GALNT3: variants seen among roughly 807,000 people sequenced by gnomAD.
The protein encoded by GALNT3 is GalNAc transferase 3.
GALNT3 carries 51 observed loss-of-function variants against 69.8 expected under a neutral mutation model. The observed-to-expected ratio is 0.73, with a 90% CI of 0.58 to 0.92. The LOEUF is 0.92. GALNT3 is among the 40% of genes least tolerant of loss of function. The pLI is 0.00. For synonymous variants in GALNT3, 265 were observed against 248.5 expected (o/e 1.07, Z -0.63); for missense variants, 711 against 760.0 (o/e 0.94, Z 0.76).
rs1267541532 is a variant in GALNT3 at position 165,770,728 on chromosome 2, A to C, written c.-28T>G. 1 of 1,596,700 alleles carries C rather than the reference A, an allele frequency of 6.3e-7. No homozygotes were observed. Among genetic ancestry groups the C allele is most frequent in the African/African-American group, 1.3e-5 (1 of 74,744 alleles). On this transcript the variant is annotated 5_prime_UTR_variant, in exon 2 of 11. Transcript: ENST00000392701. ...TGACATTAAAAGCTTGTCACTTGAC[A>C]AATAACAGTTATTTCTTCTTCTGTT...
At chr2:165,779,544 C>T (rs577354879) in intron 1 of GALNT3, among the ~76,000 whole-genome samples, 3 of 152,308 alleles carry the variant, frequency 2.0e-5, no homozygotes. Flanking sequence ...CTATTGTAGT[C>T]ATTGCTGTGA....
At chr2:165,749,604 A>T (rs1688319820) in intron 10 of GALNT3, 138 bp downstream of exon 10, 1 of 823,022 alleles carries the variant, frequency 1.2e-6, no homozygotes. Context: ...ATGGGTAGAA[A>T]CACATAATAA....
chr2:165,753,632 G>A (rs1285902084), intron 9 of GALNT3, among the ~76,000 whole-genome samples: 5 of 152,032 alleles, frequency 3.3e-5, no homozygotes, highest in Non-Finnish European at 7.4e-5. Flanking sequence ...ACAAATGAGG[G>A]AAATAGTCTA....
chr2:165,764,798 A>G, intron 3 of GALNT3, 86 bp downstream of exon 3: 1 of 1,337,066 alleles, frequency 7.5e-7, no homozygotes, highest in Admixed American at 1.7e-5. Flanking sequence ...CTGAGATGGC[A>G]TACAGAGAGT....
At chr2:165,756,971 G>T (rs540207437) in intron 7 of GALNT3, 76 bp downstream of exon 7, 2 of 1,120,286 alleles carry the variant, frequency 1.8e-6, no homozygotes, top group South Asian at 2.6e-5. Flanking sequence ...TTTTGTACTT[G>T]AGATGAATCG....
At chr2:165,792,692 A>G (rs1322381836) in intron 1 of GALNT3, among the ~76,000 whole-genome samples, 2 of 152,182 alleles carry the variant, frequency 1.3e-5, no homozygotes, top group African/African-American at 2.4e-5. Flanking sequence ...CTACGTAAAA[A>G]TGTTGGTTAA....
intron 1 of GALNT3, among the ~76,000 whole-genome samples, chr2:165,792,929 A>G (rs1361610442): frequency 6.6e-6 from 1 of 152,128 alleles, no homozygotes; most frequent in Non-Finnish European, 1.5e-5. Context: ...TCACTTTAAT[A>G]TTTTTTAGCT....
At chr2:165,770,881 C>A in intron 1 of GALNT3, 73 bp from the exon 2 acceptor site, 1 of 578,428 alleles carries the variant, frequency 1.7e-6, no homozygotes, top group Admixed American at 3.5e-5. Context: ...ATTCATTTAA[C>A]CAACAACTGA....
intron 1 of GALNT3, among the ~76,000 whole-genome samples, chr2:165,789,239 C>T (rs868017978): frequency 2.6e-5 from 4 of 152,180 alleles, no homozygotes; most frequent in Non-Finnish European, 4.4e-5. Context: ...CAATGTCTGG[C>T]GAGGGCACAT....
intron 7 of GALNT3, 30 bp from the exon 8 acceptor site, chr2:165,755,093 C>A (rs768572593): frequency 1.3e-6 from 2 of 1,590,546 alleles, no homozygotes; most frequent in East Asian, 4.5e-5. Flanking sequence ...GAAGGGAATG[C>A]TTAATTAAAA....
At chr2:165,762,118 G>A (rs1423719175) in intron 3 of GALNT3, 64 bp from the exon 4 acceptor site, 1 of 1,172,414 alleles carries the variant, frequency 8.5e-7, no homozygotes, top group Non-Finnish European at 1.3e-6. Flanking sequence ...GCTTATGAAA[G>A]CTAATGAAAC....
rs898845124 is a variant in GALNT3, at chr2:165,794,000, C to T, written c.-109+15G>A. The T allele has an allele frequency of 6.6e-6, 1 of 152,412 alleles. No individual in the cohort carries two copies. The highest frequency in any genetic ancestry group is 2.4e-5 in the African/African-American group (1 of 41,476). 9.4% of individuals were successfully genotyped at this position (152,412 alleles called of 1,614,324 possible). Reference sequence around the variant, plus strand: ...CCAGGGGTACCGCGTCTCCCTCCGCCTGCCGCCGGCTTACCTGGCGGGTGG... The same window carrying T: ...CCAGGGGTACCGCGTCTCCCTCCGCTTGCCGCCGGCTTACCTGGCGGGTGG... On this transcript the variant is annotated intron_variant, in intron 1 of 10. Coordinates refer to ENST00000392701, the MANE Select transcript of GALNT3 (RefSeq NM_004482.4).
chr2:165,754,914 G>T lies in GALNT3; in HGVS notation c.1524+18C>A, dbSNP rs747649996. ...GCAAGGAGTATATTAATTAAAAAAG[G>T]AACAGGAAAATACTCACGTATCCAG... On this transcript the variant is annotated intron_variant, in intron 8 of 10. Transcript: ENST00000392701. The T allele has an allele frequency of 4.3e-6, 7 of 1,612,202 alleles. No homozygotes were observed. The Admixed American group carries it at 8.3e-5, about 19-fold the overall frequency.
intron 1 of GALNT3, among the ~76,000 whole-genome samples, chr2:165,788,582 C>A (rs1683278703): frequency 6.6e-6 from 1 of 151,594 alleles, no homozygotes; most frequent in Non-Finnish European, 1.5e-5. Flanking sequence ...GGACACCTCA[C>A]CCTGCTCAGG....
At chr2:165,790,104 C>T (rs1355436992) in intron 1 of GALNT3, among the ~76,000 whole-genome samples, 3 of 152,022 alleles carry the variant, frequency 2.0e-5, no homozygotes, top group Admixed American at 1.3e-4. Flanking sequence ...CAGTGATGAA[C>T]AAATGTTAAA....
intron 9 of GALNT3, among the ~76,000 whole-genome samples, chr2:165,750,632 C>T (rs1434241356): frequency 6.6e-6 from 1 of 152,188 alleles, no homozygotes; most frequent in African/African-American, 2.4e-5. Flanking sequence ...GCAATCCAAT[C>T]TGCTGCCAGA....
chr2:165,775,368 GA>G (rs1473402000), intron 1 of GALNT3, among the ~76,000 whole-genome samples: 1 of 152,110 alleles, frequency 6.6e-6, no homozygotes, highest in Non-Finnish European at 1.5e-5. Flanking sequence ...CAGTAATAAA[GA>G]TTGAAAATAA....
In GALNT3 at chr2:165,759,514, T is replaced by G. The variant is rs745403924; in HGVS notation, c.895A>C (p.Thr299Pro). Residue 299 changes from threonine to proline, a missense_variant, in exon 5 of 11, where the codon ACG becomes CCG. By Grantham distance (38) the Thr-to-Pro change is conservative. Transcript: ENST00000392701. ...GCAATATCTGGACTTACGACAGCCG[T>G]GTAGTTCTCAGCTATTCTGGCCAAC... ...PLLARIAENY[T>P]AVVSPDIASI... 8 of 1,613,898 alleles carry G rather than the reference T, an allele frequency of 5.0e-6. No homozygotes were observed. The highest frequency in any genetic ancestry group is 1.3e-5 in the African/African-American group (1 of 74,928).
chr2:165,773,885 ATG>A (rs1385801028), intron 1 of GALNT3, among the ~76,000 whole-genome samples: 1 of 152,136 alleles, frequency 6.6e-6, no homozygotes, highest in Non-Finnish European at 1.5e-5. Context: ...CTCTTGAGAG[ATG>A]TTAAATGTGC....
Sources: allele counts gnomAD v4.1 joint callset (sites outside exome capture counted in the v4.1 genomes callset), GRCh38; gene constraint gnomAD v4.1.1; transcripts MANE v1.5; gene names NCBI Gene and HGNC (gene_info 2026-07-23, HGNC 2026-07-21).